The following AOPEP variants were observed in gnomAD, a reference collection of about 807,000 sequenced individuals.
AOPEP encodes the protein aminopeptidase O (putative).
In AOPEP, 77 loss-of-function variants were observed where a neutral mutation model predicts 98.1. That is an observed-to-expected ratio of 0.78 (90% confidence interval 0.65 to 0.95). The LOEUF (loss-of-function observed/expected upper bound fraction) is 0.95. Ranked by LOEUF, AOPEP falls within the 40% of genes least tolerant of loss-of-function variation. The probability of loss-of-function intolerance (pLI) is 0.00; values close to 1 mark genes in which losing one functional copy is unlikely to be tolerated. For synonymous variants in AOPEP, 346 were observed against 365.3 expected (o/e 0.95, Z 0.60); for missense variants, 1,024 against 1,024.7 (o/e 1.00, Z 0.01).
At chr9:95,095,339 G>T in the AOPEP span, among the ~76,000 whole-genome samples, 1 of 152,164 alleles carries the variant, frequency 6.6e-6, no homozygotes, top group East Asian at 1.9e-4. Flanking sequence ...CCAAGCTGCC[G>T]TGGAGATGGT....
intron 6 of AOPEP, 92 bp downstream of exon 6, chr9:94,924,267 A>G: frequency 9.2e-7 from 1 of 1,087,384 alleles, no homozygotes; most frequent in Non-Finnish European, 1.2e-6. Flanking sequence ...CTGAGGGCCT[A>G]CTATGCACTA....
chr9:94,960,876 G>A (rs1425495671), intron 9 of AOPEP, among the ~76,000 whole-genome samples: 1 of 152,116 alleles, frequency 6.6e-6, no homozygotes, highest in South Asian at 2.1e-4. Context: ...GCCGGGCGCG[G>A]TGGGGGGCGC....
At chr9:95,087,928 G>A (rs192683923), downstream of AOPEP, among the ~76,000 whole-genome samples, 1 of 152,334 alleles carries the variant, frequency 6.6e-6, no homozygotes, top group African/African-American at 2.4e-5. Flanking sequence ...TGGCCTGTTT[G>A]GGGTGAAGTG....
chr9:95,071,701 C>A (rs963473552), intron 14 of AOPEP, among the ~76,000 whole-genome samples: 1 of 152,154 alleles, frequency 6.6e-6, no homozygotes, highest in Non-Finnish European at 1.5e-5. Flanking sequence ...AAGAGCTCAT[C>A]TGCTCTGTCT....
the AOPEP span, among the ~76,000 whole-genome samples, chr9:95,142,297 A>G: frequency 2.0e-5 from 3 of 151,722 alleles, no homozygotes; most frequent in Non-Finnish European, 4.4e-5. Context: ...CCGGCCACCA[A>G]CAGTTTTTAT....
At chr9:94,974,791 G>A (rs1227469592) in intron 10 of AOPEP, among the ~76,000 whole-genome samples, 1 of 152,230 alleles carries the variant, frequency 6.6e-6, no homozygotes, top group Non-Finnish European at 1.5e-5. Context: ...GTGTCATGAA[G>A]CCTGAGTTTA....
chr9:95,066,272 T>C (rs565408298), intron 14 of AOPEP, among the ~76,000 whole-genome samples: 2 of 152,338 alleles, frequency 1.3e-5, no homozygotes, highest in South Asian at 4.1e-4. Flanking sequence ...TCTGGAACTT[T>C]CCTGTGGAAA....
At chr9:95,054,941 A>G (rs1181540279) in intron 13 of AOPEP, among the ~76,000 whole-genome samples, 1 of 152,184 alleles carries the variant, frequency 6.6e-6, no homozygotes, top group Non-Finnish European at 1.5e-5. Context: ...TGGCAAATCC[A>G]ATTTTATGCC....
intron 13 of AOPEP, among the ~76,000 whole-genome samples, chr9:95,040,127 A>T (rs1284107258): frequency 6.6e-6 from 1 of 152,100 alleles, no homozygotes; most frequent in African/African-American, 2.4e-5. Context: ...GGTAGAGGAG[A>T]GAGGAGGCAC....
At chr9:94,916,533 G>A (rs1199819014) in intron 5 of AOPEP, among the ~76,000 whole-genome samples, 1 of 151,786 alleles carries the variant, frequency 6.6e-6, no homozygotes, top group Non-Finnish European at 1.5e-5. Context: ...TGAAACTCCC[G>A]TCTCTACTAA....
At chr9:94,763,599 T>G (rs1838874929) in intron 2 of AOPEP, among the ~76,000 whole-genome samples, 1 of 152,064 alleles carries the variant, frequency 6.6e-6, no homozygotes, top group South Asian at 2.1e-4. Flanking sequence ...CATTTTCCAA[T>G]GAAGAGAACT....
chr9:94,900,147 C>T (rs976695717), intron 5 of AOPEP, among the ~76,000 whole-genome samples: 2 of 152,144 alleles, frequency 1.3e-5, no homozygotes, highest in East Asian at 1.9e-4. Flanking sequence ...GACTGCTGGC[C>T]GCCGCCAACT....
chr9:95,024,599 T>C (rs945155755), intron 13 of AOPEP, among the ~76,000 whole-genome samples: 2 of 152,214 alleles, frequency 1.3e-5, no homozygotes, highest in African/African-American at 4.8e-5. Context: ...AGCCTGAGCG[T>C]GTGGCCCCAC....
At chr9:94,795,721 A>G (rs1480154810) in intron 4 of AOPEP, among the ~76,000 whole-genome samples, 1 of 152,198 alleles carries the variant, frequency 6.6e-6, no homozygotes, top group African/African-American at 2.4e-5. Flanking sequence ...ATGGCTTCTC[A>G]GTTTTCTTGC....
intron 14 of AOPEP, among the ~76,000 whole-genome samples, chr9:95,069,026 C>T (rs1266857667): frequency 3.5e-5 from 5 of 143,780 alleles, no homozygotes; most frequent in East Asian, 2.1e-4. Context: ...TGCACCCTTT[C>T]GTGGCTTTTG....
At chr9:95,093,537 TAAC>T in the AOPEP span, among the ~76,000 whole-genome samples, 3 of 152,204 alleles carry the variant, frequency 2.0e-5, no homozygotes, top group Admixed American at 6.5e-5. Flanking sequence ...GCATACTTGA[TAAC>T]AACTTATTTT....
chr9:94,845,245 C>T (rs958342722), intron 5 of AOPEP, among the ~76,000 whole-genome samples: 2 of 152,218 alleles, frequency 1.3e-5, no homozygotes, highest in Non-Finnish European at 2.9e-5. Context: ...AGACAAGACA[C>T]AGAGTCAGGT....
intron 7 of AOPEP, chr9:94,935,210 G>C (rs901099055): frequency 6.6e-6 from 1 of 152,226 alleles, no homozygotes; most frequent in East Asian, 1.9e-4. Context: ...TCTCCCTCCC[G>C]CCCCAGCCAT....
At chr9:95,032,801 A>G (rs569364102) in intron 13 of AOPEP, among the ~76,000 whole-genome samples, 2 of 152,274 alleles carry the variant, frequency 1.3e-5, no homozygotes, top group South Asian at 4.1e-4. Flanking sequence ...CTGTGCTTTT[A>G]TTTTATGACA....
Sources: allele counts gnomAD v4.1 joint callset (sites outside exome capture counted in the v4.1 genomes callset), GRCh38; gene constraint gnomAD v4.1.1; transcripts MANE v1.5; gene names NCBI Gene and HGNC (gene_info 2026-07-23, HGNC 2026-07-21).